PRELID2: variants seen among roughly 807,000 people sequenced by gnomAD.
The protein encoded by PRELID2 is PRELI domain-containing protein 2.
Under a neutral mutation model 28.4 loss-of-function variants are expected in PRELID2, and 25 were observed. That is an observed-to-expected ratio of 0.88 (90% CI 0.64 to 1.23). The LOEUF is 1.23. Ranked by LOEUF, PRELID2 falls within the 50% of genes most tolerant of loss-of-function variation. PRELID2 has a pLI of 0.00. For missense variants in PRELID2, 201 were observed against 214.4 expected (o/e 0.94, Z 0.39); for synonymous variants, 76 against 71.6 (o/e 1.06, Z -0.31).
At chr5:145,267,814 A>G in the PRELID2 span, among the ~76,000 whole-genome samples, 24 of 152,228 alleles carry the variant, frequency 1.6e-4, no homozygotes, top group African/African-American at 5.3e-4. Flanking sequence ...ACCTCACCAC[A>G]TTTGTTATTA....
At chr5:145,240,270 C>A in the PRELID2 span, among the ~76,000 whole-genome samples, 1 of 151,762 alleles carries the variant, frequency 6.6e-6, no homozygotes, top group Non-Finnish European at 1.5e-5. Context: ...GGAAAGCATG[C>A]TTTTATAGAA....
chr5:145,764,900 A>G (rs766317969), intron 6 of PRELID2, 31 bp downstream of exon 6: 3 of 1,518,150 alleles, frequency 2.0e-6, no homozygotes, highest in East Asian at 2.3e-5. Flanking sequence ...TGGCTTGTGT[A>G]AATAATTCTG....
At chr5:145,816,550 C>T (rs1477145656) in intron 4 of PRELID2, among the ~76,000 whole-genome samples, 1 of 152,110 alleles carries the variant, frequency 6.6e-6, no homozygotes, top group African/African-American at 2.4e-5. Context: ...TTCTAAGTGT[C>T]TTATAGTTTT....
chr5:145,393,357 G>T, the PRELID2 span, among the ~76,000 whole-genome samples: 1 of 152,070 alleles, frequency 6.6e-6, no homozygotes, highest in Non-Finnish European at 1.5e-5. Flanking sequence ...GAAGCACCTC[G>T]GTGTGGGAAC....
chr5:145,383,668 TTAA>T, the PRELID2 span, among the ~76,000 whole-genome samples: 1 of 147,148 alleles, frequency 6.8e-6, no homozygotes, highest in Non-Finnish European at 1.5e-5. Flanking sequence ...TGCACAAAAA[TTAA>T]TTTTAGGTGG....
chr5:145,820,063 G>A, intron 2 of PRELID2, 45 bp from the exon 3 acceptor site: 1 of 1,143,308 alleles, frequency 8.7e-7, no homozygotes. Flanking sequence ...AAAGAAATGT[G>A]TTCTTTTCTT....
chr5:145,504,024 A>C (rs1413397515), intron 1 of PRELID2, among the ~76,000 whole-genome samples: 2 of 152,198 alleles, frequency 1.3e-5, no homozygotes, highest in Non-Finnish European at 2.9e-5. Flanking sequence ...ACTGAGGCTC[A>C]AAGAGGCTTG....
intron 1 of PRELID2, among the ~76,000 whole-genome samples, chr5:145,513,231 A>G (rs1180028575): frequency 1.3e-5 from 2 of 152,148 alleles, no homozygotes; most frequent in East Asian, 3.9e-4. Context: ...AAGGAAGCTA[A>G]GAACCTTGAA....
the PRELID2 span, among the ~76,000 whole-genome samples, chr5:145,382,501 G>C: frequency 6.6e-6 from 1 of 151,798 alleles, no homozygotes; most frequent in Admixed American, 6.6e-5. Context: ...TTATATACAA[G>C]ATAATAATAA....
chr5:145,593,382 A>G (rs914396368), intron 1 of PRELID2, among the ~76,000 whole-genome samples: 1 of 152,186 alleles, frequency 6.6e-6, no homozygotes, highest in Non-Finnish European at 1.5e-5. Flanking sequence ...TGATCAAGGA[A>G]TCTATGAAAG....
intron 1 of PRELID2, among the ~76,000 whole-genome samples, chr5:145,828,520 C>T (rs186372976): frequency 4.6e-5 from 7 of 152,260 alleles, no homozygotes; most frequent in Middle Eastern, 3.4e-3. Context: ...TTTACCAGTT[C>T]GGAATTTGTG....
At chr5:145,277,661 T>A in the PRELID2 span, among the ~76,000 whole-genome samples, 1 of 152,256 alleles carries the variant, frequency 6.6e-6, no homozygotes, top group African/African-American at 2.4e-5. Context: ...TGACAGATAA[T>A]AAACCTCAGC....
rs1757373713 is a variant in PRELID2, at chr5:145,759,544, G to A, written c.*992C>T. 6.6e-6 allele frequency: 1 copy of A among 152,130 alleles called. No individual in the cohort carries two copies. Among genetic ancestry groups the A allele is most frequent in the South Asian group, 2.1e-4 (1 of 4,818 alleles). 9.4% of individuals were successfully genotyped at this position (152,130 alleles called of 1,614,324 possible). A position where few individuals can be genotyped will look rare whatever the true frequency, so the allele number is the denominator to read the frequency against. On this transcript the variant is annotated 3_prime_UTR_variant, in exon 7 of 7. Transcript: ENST00000683046. Reference sequence around the variant, plus strand: ...TAGGCAGTGTGCTAGGTACTTCATAGGCATGATCTCAAATCAGTCCAACAA... The same window carrying A: ...TAGGCAGTGTGCTAGGTACTTCATAAGCATGATCTCAAATCAGTCCAACAA...
chr5:145,569,963 G>A (rs1753002670), intron 1 of PRELID2, among the ~76,000 whole-genome samples: 1 of 152,158 alleles, frequency 6.6e-6, no homozygotes, highest in Admixed American at 6.5e-5. Context: ...CAATTCTGAA[G>A]GGGAGGAGTC....
At chr5:145,735,485 A>G (rs1007406095) in intron 1 of PRELID2, among the ~76,000 whole-genome samples, 53 of 152,346 alleles carry the variant, frequency 3.5e-4, no homozygotes, top group Admixed American at 3.5e-3. Flanking sequence ...GACATAGTGT[A>G]AAGAACATAG....
chr5:145,580,400 T>C (rs1031757398), intron 1 of PRELID2, among the ~76,000 whole-genome samples: 1 of 152,080 alleles, frequency 6.6e-6, no homozygotes, highest in Non-Finnish European at 1.5e-5. Flanking sequence ...TTCTGAGATA[T>C]TCAGTCACTC....
the PRELID2 span, among the ~76,000 whole-genome samples, chr5:145,382,542 TAG>T: frequency 5.3e-5 from 8 of 151,972 alleles, no homozygotes; most frequent in Non-Finnish European, 1.0e-4. Context: ...TCAAAAACAA[TAG>T]AGTCAAGAAG....
intron 1 of PRELID2, among the ~76,000 whole-genome samples, chr5:145,609,968 C>T (rs1283355079): frequency 2.6e-5 from 4 of 152,202 alleles, no homozygotes; most frequent in Non-Finnish European, 5.9e-5. Context: ...CGACTGCAGC[C>T]TCTATTAGGG....
the PRELID2 span, among the ~76,000 whole-genome samples, chr5:145,357,419 G>A: frequency 6.6e-6 from 1 of 152,148 alleles, no homozygotes; most frequent in Admixed American, 6.6e-5. Context: ...ATATTTCTCA[G>A]AAGTTTTATT....
Sources: allele counts gnomAD v4.1 joint callset (sites outside exome capture counted in the v4.1 genomes callset), GRCh38; gene constraint gnomAD v4.1.1; transcripts MANE v1.5; gene names NCBI Gene and HGNC (gene_info 2026-07-23, HGNC 2026-07-21).